TSPAN15: variants seen among roughly 807,000 people sequenced by gnomAD.
The protein encoded by TSPAN15 is tetraspanin-15.
Under a neutral mutation model 34.5 loss-of-function variants are expected in TSPAN15, and 20 were observed. That is an observed-to-expected ratio of 0.58 (90% CI 0.41 to 0.84). The LOEUF (loss-of-function observed/expected upper bound fraction) is 0.84, where lower values mean the gene tolerates loss of function less well. TSPAN15 is among the 40% of genes least tolerant of loss of function. The pLI, the probability that TSPAN15 is intolerant of heterozygous loss-of-function variation, is 0.00. For missense variants in TSPAN15, 313 were observed against 386.1 expected, an observed-to-expected ratio of 0.81 and a Z score of 1.59; for synonymous variants, 155 against 153.9, an observed-to-expected ratio of 1.01 and a Z score of -0.05.
chr10:69,498,711 A>G (rs1226175691), intron 5 of TSPAN15, among the ~76,000 whole-genome samples: 2 of 152,152 alleles, frequency 1.3e-5, no homozygotes, highest in African/African-American at 2.4e-5. Context: ...CCTGTGAGGT[A>G]TGTACTGTTA....
intron 5 of TSPAN15, among the ~76,000 whole-genome samples, chr10:69,504,023 C>T (rs1564617087): frequency 1.3e-5 from 2 of 152,232 alleles, no homozygotes; most frequent in African/African-American, 4.8e-5. Context: ...ACAGCTGACC[C>T]TGTGCCAGCT....
chr10:69,504,594 A>C, intron 6 of TSPAN15, 109 bp downstream of exon 6: 2 of 1,173,116 alleles, frequency 1.7e-6, no homozygotes, highest in Non-Finnish European at 2.5e-6. Context: ...AGATTTTCCC[A>C]CATTCCTGGC....
At chr10:69,527,814 G>A in the TSPAN15 span, among the ~76,000 whole-genome samples, 1 of 147,806 alleles carries the variant, frequency 6.8e-6, no homozygotes, top group Non-Finnish European at 1.5e-5. Context: ...GTAGATTCAT[G>A]ATTGCTTGGG....
chr10:69,498,135 T>A, intron 4 of TSPAN15, 145 bp from the exon 5 acceptor site: 1 of 684,490 alleles, frequency 1.5e-6, no homozygotes, highest in East Asian at 2.7e-5. Flanking sequence ...CTTTGACAGC[T>A]CTGACTTGAA....
At chr10:69,538,344 C>G in the TSPAN15 span, among the ~76,000 whole-genome samples, 2 of 152,202 alleles carry the variant, frequency 1.3e-5, no homozygotes, top group Non-Finnish European at 2.9e-5. Context: ...TCCCAGGACC[C>G]TGGCTTTTCT....
At position 69,452,545 on chromosome 10, in the gene TSPAN15, G is replaced by A. The variant is rs905990693; in HGVS notation, c.96+855G>A. The stretch of plus-strand genomic sequence containing the variant: ...TATATTCAACTTGTAGGATGCTCGC[G>A]GAGATTACGTGAAATAGGCCGGGTA... On this transcript the variant is annotated intron_variant, in intron 1 of 7. Coordinates refer to ENST00000373290, the MANE Select transcript of TSPAN15 (RefSeq NM_012339.5). Among the ~76,000 whole-genome samples, 6 of 152,202 alleles carry A rather than the reference G, an allele frequency of 3.9e-5. No individual in the cohort carries two copies. The South Asian group carries it at 1.2e-3, about 32-fold the overall frequency.
chr10:69,509,096 C>T (rs576149334), downstream of TSPAN15, among the ~76,000 whole-genome samples: 1 of 152,280 alleles, frequency 6.6e-6, no homozygotes, highest in East Asian at 1.9e-4. Context: ...ACGGCAGCTG[C>T]CTTTAGGGGC....
chr10:69,509,092 G>A (rs1026510628), downstream of TSPAN15, among the ~76,000 whole-genome samples: 1 of 152,208 alleles, frequency 6.6e-6, no homozygotes, highest in Non-Finnish European at 1.5e-5. Flanking sequence ...GGAGACGGCA[G>A]CTGCCTTTAG....
intron 1 of TSPAN15, among the ~76,000 whole-genome samples, chr10:69,453,147 G>A (rs553135517): frequency 1.3e-5 from 2 of 152,250 alleles, no homozygotes; most frequent in African/African-American, 2.4e-5. Context: ...AGTATGTTTG[G>A]GGGGCGGAGG....
intron 5 of TSPAN15, among the ~76,000 whole-genome samples, chr10:69,502,156 G>A (rs1243781414): frequency 1.3e-5 from 2 of 152,170 alleles, no homozygotes; most frequent in Non-Finnish European, 2.9e-5. Flanking sequence ...GTTCTTCAGG[G>A]AAAGTAACCT....
In TSPAN15 at chr10:69,472,987, C is replaced by G. The variant is rs111966820; in HGVS notation, c.97-10704C>G. On this transcript the variant is annotated intron_variant, in intron 1 of 7. Transcript: ENST00000373290. Reference sequence around the variant, plus strand: ...TGTTGCTGGATCTAGCCACCATGTCCTGTATGCTGTCCATAAGAGATACCC... The same window carrying G: ...TGTTGCTGGATCTAGCCACCATGTCGTGTATGCTGTCCATAAGAGATACCC... 5.9e-3 allele frequency among the ~76,000 whole-genome samples: 898 copies of G among 152,302 alleles called. 8 individuals are homozygous for G. Among genetic ancestry groups the G allele is most frequent in the South Asian group, 0.021 (100 of 4,824 alleles).
chr10:69,482,222 C>T (rs546781325), intron 1 of TSPAN15, among the ~76,000 whole-genome samples: 27 of 152,266 alleles, frequency 1.8e-4, no homozygotes, highest in South Asian at 1.2e-3. Flanking sequence ...CCTTTGCAGG[C>T]GGCAACTGAG....
chr10:69,462,155 GTTTTTTTTTT>G (rs755068937), intron 1 of TSPAN15, among the ~76,000 whole-genome samples: 2 of 82,704 alleles, frequency 2.4e-5, no homozygotes, highest in African/African-American at 4.5e-5. Flanking sequence ...TAATTTTAAA[GTTTTTTTTTT>G]TTTTTTTTTT....
At chr10:69,541,599 A>G in the TSPAN15 span, among the ~76,000 whole-genome samples, 3 of 152,212 alleles carry the variant, frequency 2.0e-5, no homozygotes, top group Non-Finnish European at 4.4e-5. Flanking sequence ...TCAGTGTCCT[A>G]GCAGAGGTTC....
the TSPAN15 span, among the ~76,000 whole-genome samples, chr10:69,524,783 CTT>C: frequency 0.47 from 64,120 of 136,786 alleles, 17,284 homozygotes; most frequent in African/African-American, 0.53. Flanking sequence ...ATATATGCAT[CTT>C]TTTTTTTTTT....
chr10:69,538,057 C>T, the TSPAN15 span, among the ~76,000 whole-genome samples: 1 of 152,166 alleles, frequency 6.6e-6, no homozygotes, highest in Admixed American at 6.5e-5. Flanking sequence ...GCCCTGGAGT[C>T]TCTTCTTATA....
At chr10:69,479,419 T>C (rs944442585) in intron 1 of TSPAN15, among the ~76,000 whole-genome samples, 1 of 152,240 alleles carries the variant, frequency 6.6e-6, no homozygotes, top group African/African-American at 2.4e-5. Flanking sequence ...TGCAGCCTGT[T>C]GAAGATGCCA....
chr10:69,465,565 T>G (rs1382328790), intron 1 of TSPAN15, among the ~76,000 whole-genome samples: 1 of 152,176 alleles, frequency 6.6e-6, no homozygotes, highest in Non-Finnish European at 1.5e-5. Flanking sequence ...CTGAGCTGTT[T>G]TCTAGCCATT....
chr10:69,484,277 A>G (rs973394461), intron 2 of TSPAN15, among the ~76,000 whole-genome samples: 1 of 152,208 alleles, frequency 6.6e-6, no homozygotes, highest in Non-Finnish European at 1.5e-5. Context: ...AGCCCCTGCC[A>G]GCCGGGGCTG....
Sources: gnomAD v4.1 joint callset for allele counts (sites outside exome capture counted in the v4.1 genomes callset) on GRCh38, gnomAD v4.1.1 for gene constraint, MANE v1.5 for transcripts, NCBI Gene and HGNC (gene_info 2026-07-23, HGNC 2026-07-21) for gene names.